Variants in BNC2 observed in about 807,000 individuals in gnomAD.
BNC2 encodes zinc finger protein basonuclin-2.
In BNC2, 20 loss-of-function variants were observed where a neutral mutation model predicts 76.3. The ratio of observed to expected loss-of-function variants is 0.26; its 90% CI spans 0.18 to 0.38. The LOEUF (loss-of-function observed/expected upper bound fraction) is 0.38. Among genes scored for constraint, BNC2 ranks in the 10% least tolerant of loss-of-function variants. The pLI is 1.00. For missense variants in BNC2, 1,382 were observed against 1,399.8 expected, an observed-to-expected ratio of 0.99 and a Z score of 0.20; for synonymous variants, 582 against 514.8, an observed-to-expected ratio of 1.13 and a Z score of -1.77.
chr9:16,805,713 G>GCA (rs57325819), intron 1 of BNC2, among the ~76,000 whole-genome samples: 3,569 of 149,100 alleles, frequency 0.024, 74 homozygotes, highest in African/African-American at 0.046. Context: ...TTGCATACAT[G>GCA]CACACACACA....
At chr9:16,728,058 G>GTTAA in intron 2 of BNC2, 61 bp from the exon 3 acceptor site, 1 of 1,253,824 alleles carries the variant, frequency 8.0e-7, no homozygotes, top group South Asian at 1.2e-5. Context: ...GTGTAGTGTA[G>GTTAA]TTAAGAAGCT....
intron 5 of BNC2, chr9:16,473,276 T>C (rs1821862282): frequency 6.6e-6 from 1 of 152,210 alleles, no homozygotes; most frequent in African/African-American, 2.4e-5. Flanking sequence ...ATCCTTCAAA[T>C]TTCTCATCTT....
At chr9:16,590,035 G>A (rs1819880906) in intron 3 of BNC2, among the ~76,000 whole-genome samples, 1 of 151,990 alleles carries the variant, frequency 6.6e-6, no homozygotes, top group Non-Finnish European at 1.5e-5. Flanking sequence ...GAGGCAGGAG[G>A]ATGGCTTGAG....
intron 1 of BNC2, among the ~76,000 whole-genome samples, chr9:16,803,910 G>A (rs1357622398): frequency 3.9e-5 from 6 of 152,190 alleles, no homozygotes; most frequent in Non-Finnish European, 7.3e-5. Context: ...CAATCGTCAA[G>A]GGAAGACTAT....
In BNC2 at chr9:16,420,878, G is replaced by A. The variant is rs116372236; in HGVS notation, c.2640-1229C>T. 3.1e-3 allele frequency among the ~76,000 whole-genome samples: 465 copies of A among 152,206 alleles called. 3 individuals carry two copies. Among genetic ancestry groups the A allele is most frequent in the African/African-American group, 0.011 (446 of 41,550 alleles). ...TCTCTCCACCTGCAAAGGCTCACAT[G>A]TTCAACAGTACCTAAATTGAAGGTT... On this transcript the variant is annotated intron_variant, in intron 6 of 6. Transcript: ENST00000380672.
chr9:16,764,855 A>G (rs1825647629), intron 1 of BNC2, among the ~76,000 whole-genome samples: 1 of 152,062 alleles, frequency 6.6e-6, no homozygotes, highest in Admixed American at 6.6e-5. Flanking sequence ...GGTCAATGAA[A>G]GAACTCAAAA....
chr9:16,791,456 T>C (rs1231461372), intron 1 of BNC2, among the ~76,000 whole-genome samples: 2 of 152,194 alleles, frequency 1.3e-5, no homozygotes, highest in Non-Finnish European at 2.9e-5. Flanking sequence ...ATTGTGTATA[T>C]TAAAATCATG....
intron 3 of BNC2, among the ~76,000 whole-genome samples, chr9:16,587,927 T>C (rs934531000): frequency 6.6e-6 from 1 of 152,238 alleles, no homozygotes; most frequent in Non-Finnish European, 1.5e-5. Flanking sequence ...TAATGCTTAG[T>C]ACAGGTTGTG....
intron 5 of BNC2, among the ~76,000 whole-genome samples, chr9:16,490,165 C>A (rs891283804): frequency 1.3e-5 from 2 of 152,082 alleles, no homozygotes; most frequent in Admixed American, 1.3e-4. Context: ...TAAAGACATA[C>A]CAGAGACTGT....
At chr9:16,741,219 C>T (rs932913565) in intron 1 of BNC2, among the ~76,000 whole-genome samples, 1 of 152,008 alleles carries the variant, frequency 6.6e-6, no homozygotes, top group Non-Finnish European at 1.5e-5. Context: ...TTTGGGAAGC[C>T]GAGGTGGGCG....
chr9:16,788,370 G>A lies in BNC2; in HGVS notation c.4-49885C>T, dbSNP rs964668004. 1.2e-3 allele frequency among the ~76,000 whole-genome samples: 182 copies of A among 151,824 alleles called. 1 individual carries two copies. The highest frequency in any genetic ancestry group is 1.5e-3 in the Non-Finnish European group (100 of 67,924). ...AGATCGAGACCATCCTGGCTAACAT[G>A]GTGAAACCCCGTCTCTACCAAAAAT... On this transcript the variant is annotated intron_variant, in intron 1 of 6. Coordinates refer to ENST00000380672, the MANE Select transcript of BNC2 (RefSeq NM_017637.6).
intron 3 of BNC2, among the ~76,000 whole-genome samples, chr9:16,693,208 G>A (rs1053037967): frequency 6.6e-6 from 1 of 150,608 alleles, no homozygotes; most frequent in African/African-American, 2.4e-5. Flanking sequence ...TGCCCCTCCT[G>A]CAACCAACCG....
chr9:16,804,773 G>A (rs1474035827), intron 1 of BNC2, among the ~76,000 whole-genome samples: 2 of 152,086 alleles, frequency 1.3e-5, no homozygotes, highest in East Asian at 3.9e-4. Flanking sequence ...TTTAAAAGTG[G>A]TGTGGAGAGG....
intron 3 of BNC2, among the ~76,000 whole-genome samples, chr9:16,672,935 G>C (rs1056649588): frequency 6.6e-6 from 1 of 152,104 alleles, no homozygotes; most frequent in Non-Finnish European, 1.5e-5. Context: ...ATAGAGACAA[G>C]GAAAGAAAGC....
chr9:16,815,928 T>C (rs890808103), intron 1 of BNC2, among the ~76,000 whole-genome samples: 2 of 152,160 alleles, frequency 1.3e-5, no homozygotes, highest in African/African-American at 4.8e-5. Flanking sequence ...CTGTAAGGAA[T>C]AAACTACCAG....
At chr9:16,528,353 C>T (rs548614822) in intron 5 of BNC2, among the ~76,000 whole-genome samples, 22 of 152,040 alleles carry the variant, frequency 1.4e-4, no homozygotes, top group African/African-American at 4.8e-4. Flanking sequence ...CCTAGAGAAA[C>T]GAAAATACAA....
At chr9:16,683,421 G>A (rs773979549) in intron 3 of BNC2, among the ~76,000 whole-genome samples, 3 of 152,154 alleles carry the variant, frequency 2.0e-5, no homozygotes, top group South Asian at 4.1e-4. Context: ...TGAGGTGTAC[G>A]GAAGGTTATT....
intron 3 of BNC2, among the ~76,000 whole-genome samples, chr9:16,610,393 G>A (rs1485363973): frequency 6.6e-6 from 1 of 152,094 alleles, no homozygotes; most frequent in African/African-American, 2.4e-5. Flanking sequence ...CCCCCAGAAG[G>A]AATCCGAGGT....
intron 1 of BNC2, among the ~76,000 whole-genome samples, chr9:16,857,716 C>T (rs1477301143): frequency 6.6e-6 from 1 of 152,102 alleles, no homozygotes; most frequent in Non-Finnish European, 1.5e-5. Context: ...AATAATGAAA[C>T]TTTTGTCTAA....
Sources: gnomAD v4.1 joint callset for allele counts (sites outside exome capture counted in the v4.1 genomes callset) on GRCh38, gnomAD v4.1.1 for gene constraint, MANE v1.5 for transcripts, NCBI Gene and HGNC (gene_info 2026-07-23, HGNC 2026-07-21) for gene names.